The following SPMIP2 variants were observed in gnomAD, a reference collection of about 807,000 sequenced individuals.
SPMIP2 encodes protein SPMIP2.
At chr4:158,911,825 T>C in the SPMIP2 span, among the ~76,000 whole-genome samples, 1 of 152,172 alleles carries the variant, frequency 6.6e-6, no homozygotes, top group African/African-American at 2.4e-5. Flanking sequence ...AATGTATCAG[T>C]CACTGAGACT....
the SPMIP2 span, among the ~76,000 whole-genome samples, chr4:158,964,192 A>C: frequency 2.5e-5 from 3 of 120,796 alleles, no homozygotes; most frequent in Admixed American, 8.2e-5. Context: ...CAAAACAAAA[A>C]ACATGTGGAG....
chr4:158,935,506 C>T, the SPMIP2 span, among the ~76,000 whole-genome samples: 2 of 152,102 alleles, frequency 1.3e-5, no homozygotes, highest in African/African-American at 4.8e-5. Flanking sequence ...CAGCATCTAG[C>T]CGAATTCCTG....
At chr4:159,047,980 C>A in the SPMIP2 span, among the ~76,000 whole-genome samples, 1 of 152,242 alleles carries the variant, frequency 6.6e-6, no homozygotes, top group Non-Finnish European at 1.5e-5. Context: ...AATAAAAGAG[C>A]TCCTGCTCCC....
chr4:158,945,136 T>C, the SPMIP2 span, among the ~76,000 whole-genome samples: 10 of 152,296 alleles, frequency 6.6e-5, no homozygotes, highest in East Asian at 1.9e-3. Flanking sequence ...CAGTCCACAA[T>C]ATTTCTCACT....
At chr4:158,964,151 T>TCAAAACAAAA in the SPMIP2 span, among the ~76,000 whole-genome samples, 957 of 100,158 alleles carry the variant, frequency 9.6e-3, 18 homozygotes, top group East Asian at 0.046. Flanking sequence ...TGAGACTATC[T>TCAAAACAAAA]CAAAACAAAA....
chr4:158,944,239 ATC>A, the SPMIP2 span, among the ~76,000 whole-genome samples: 1 of 149,548 alleles, frequency 6.7e-6, no homozygotes, highest in Non-Finnish European at 1.5e-5. Context: ...CCTCCCACCC[ATC>A]CCTCTTTGCC....
At chr4:159,081,678 G>C in the SPMIP2 span, among the ~76,000 whole-genome samples, 1 of 152,114 alleles carries the variant, frequency 6.6e-6, no homozygotes, top group Admixed American at 6.5e-5. Context: ...CTGGGTGACA[G>C]AGTGAGACTC....
chr4:159,050,231 G>A, the SPMIP2 span, among the ~76,000 whole-genome samples: 1 of 140,258 alleles, frequency 7.1e-6, no homozygotes, highest in East Asian at 2.0e-4. Context: ...TTTGAAATGT[G>A]CTTCCTGATA....
the SPMIP2 span, among the ~76,000 whole-genome samples, chr4:159,067,891 C>A: frequency 2.6e-5 from 4 of 152,000 alleles, no homozygotes; most frequent in African/African-American, 9.7e-5. Flanking sequence ...TTTATGCAGC[C>A]AAAAAACACA....
chr4:159,039,975 T>G, the SPMIP2 span, among the ~76,000 whole-genome samples: 2 of 152,178 alleles, frequency 1.3e-5, no homozygotes, highest in Non-Finnish European at 2.9e-5. Flanking sequence ...CAGAGATATA[T>G]CTCTAGATGA....
At chr4:158,996,906 A>G in the SPMIP2 span, among the ~76,000 whole-genome samples, 1 of 152,194 alleles carries the variant, frequency 6.6e-6, no homozygotes, top group Admixed American at 6.5e-5. Context: ...TGGAATTTCG[A>G]TGACTGGCTT....
At chr4:159,061,443 G>A in the SPMIP2 span, among the ~76,000 whole-genome samples, 1 of 151,984 alleles carries the variant, frequency 6.6e-6, no homozygotes, top group African/African-American at 2.4e-5. Context: ...GTGGGTGGGA[G>A]ACACATGGCA....
the SPMIP2 span, among the ~76,000 whole-genome samples, chr4:158,947,635 T>C: frequency 6.6e-6 from 1 of 152,206 alleles, no homozygotes; most frequent in African/African-American, 2.4e-5. Context: ...AAAATTCATA[T>C]TGTTAGCTAA....
the SPMIP2 span, among the ~76,000 whole-genome samples, chr4:158,917,227 G>A: frequency 2.6e-4 from 40 of 152,094 alleles, no homozygotes; most frequent in East Asian, 7.0e-3. Context: ...TCCAGCCTGG[G>A]TGACAAAGAA....
chr4:158,959,155 A>G, the SPMIP2 span, among the ~76,000 whole-genome samples: 1 of 152,212 alleles, frequency 6.6e-6, no homozygotes, highest in Non-Finnish European at 1.5e-5. Context: ...TGTTTCTCAG[A>G]TACCCTCCAA....
At chr4:159,028,543 C>T in the SPMIP2 span, among the ~76,000 whole-genome samples, 1 of 152,092 alleles carries the variant, frequency 6.6e-6, no homozygotes, top group East Asian at 1.9e-4. Flanking sequence ...GTTGCCCAGG[C>T]TGGTCTCAAA....
chr4:158,919,486 A>G, the SPMIP2 span, among the ~76,000 whole-genome samples: 9 of 152,200 alleles, frequency 5.9e-5, no homozygotes, highest in Non-Finnish European at 1.3e-4. Flanking sequence ...GATTCAGGTT[A>G]TGCATCTTTG....
At chr4:159,082,493 G>A in the SPMIP2 span, among the ~76,000 whole-genome samples, 1 of 148,768 alleles carries the variant, frequency 6.7e-6, no homozygotes, top group Admixed American at 6.7e-5. Flanking sequence ...GTGTGTGTGT[G>A]TTTTGAACCT....
the SPMIP2 span, among the ~76,000 whole-genome samples, chr4:159,073,606 C>T: frequency 1.3e-5 from 2 of 152,192 alleles, no homozygotes; most frequent in African/African-American, 4.8e-5. Context: ...GGAAGCTCTC[C>T]TCTCTGTCCA....
Sources: allele counts gnomAD v4.1 joint callset (sites outside exome capture counted in the v4.1 genomes callset), GRCh38; gene constraint gnomAD v4.1.1; transcripts MANE v1.5; gene names NCBI Gene and HGNC (gene_info 2026-07-23, HGNC 2026-07-21).